AHRR: variants seen among roughly 807,000 people sequenced by gnomAD.
AHRR encodes ahR repressor.
Under a neutral mutation model 44.0 loss-of-function variants are expected in AHRR, and 28 were observed. The ratio of observed to expected loss-of-function variants is 0.64; its 90% CI spans 0.47 to 0.87. The LOEUF (loss-of-function observed/expected upper bound fraction) is 0.87. Among genes scored for constraint, AHRR ranks in the 40% least tolerant of loss-of-function variants. AHRR has a pLI of 0.00. For missense variants in AHRR, 990 were observed against 953.9 expected (o/e 1.04, Z -0.50); for synonymous variants, 434 against 407.0 (o/e 1.07, Z -0.80).
In AHRR at chr5:389,258, G is replaced by A. The variant is rs564826674; in HGVS notation, c.351+12542G>A. 4.6e-5 allele frequency among the ~76,000 whole-genome samples: 7 copies of A among 152,230 alleles called. No individual in the cohort carries two copies. In the East Asian group the frequency reaches 7.7e-4, roughly 17 times the overall value. ...AGTGAGCCGAGGCTCCAGCAGATGC[G>A]GCTGAAGGAACAAACTTTAAGGGAA... On this transcript the variant is annotated intron_variant, in intron 4 of 10. Transcript: ENST00000684583.
rs550156606 is a variant in AHRR at position 386,218 on chromosome 5, A to G, written c.351+9502A>G. Among the ~76,000 whole-genome samples, 5 of 152,202 alleles carry G rather than the reference A, an allele frequency of 3.3e-5. No homozygotes were observed. The East Asian group carries it at 7.7e-4, about 23-fold the overall frequency. ...TCATTTCGGAGTTTATTCTCTGTTT[A>G]TCATCTTTTCCCTTGAATATTAGTC... On this transcript the variant is annotated intron_variant, in intron 4 of 10. Transcript: ENST00000684583.
At chr5:433,036 G>C in intron 10 of AHRR, 89 bp downstream of exon 10, 39 of 1,379,122 alleles carry the variant, frequency 2.8e-5, no homozygotes, top group African/African-American at 1.5e-5. Flanking sequence ...TGATTAAGAA[G>C]AAAAATAAAA....
In AHRR at chr5:426,792, A is replaced by AGATG. The variant is rs1200825543; in HGVS notation, c.709-999_709-996dup. Among the ~76,000 whole-genome samples the AGATG allele has an allele frequency of 5.1e-5, 7 of 137,766 alleles. No individual in the cohort carries two copies. In the South Asian group the frequency reaches 7.9e-4, roughly 15 times the overall value. 90.4% of individuals were successfully genotyped at this position (137,766 alleles called of 152,430 possible). On this transcript the variant is annotated intron_variant, in intron 7 of 10. Transcript: ENST00000684583. ...TGGACAGATGGATGAATGGATAGGA[A>AGATG]GATGGATGGATGGATGGATAGATGG...
Position 435,918 on chromosome 5 carries a change from A to G in AHRR, c.*1084A>G, listed in dbSNP as rs1737009274. On this transcript the variant is annotated 3_prime_UTR_variant, in exon 11 of 11. Transcript: ENST00000684583. Reference sequence around the variant, plus strand: ...GTCAGAAAGTGAAGGTCACCAATCCACCAACCCGAGAACCTACAGCTGATG... The same window carrying G: ...GTCAGAAAGTGAAGGTCACCAATCCGCCAACCCGAGAACCTACAGCTGATG... 1 of 152,828 alleles carries G rather than the reference A, an allele frequency of 6.5e-6. No homozygotes were observed. The highest frequency in any genetic ancestry group is 2.4e-5 in the African/African-American group (1 of 41,462). The allele number at this position is 152,828 out of a possible 1,614,324, so 9.5% of individuals were successfully genotyped here.
intron 2 of AHRR, among the ~76,000 whole-genome samples, chr5:344,510 G>GCGGTA (rs1212212654): frequency 2.4e-3 from 6 of 2,472 alleles, no homozygotes; most frequent in Admixed American, 3.8e-3. Context: ...GTGGGTGTGT[G>GCGGTA]TGTGTGAGGC....
chr5:414,417 C>T (rs577494047), intron 5 of AHRR, among the ~76,000 whole-genome samples: 1 of 152,240 alleles, frequency 6.6e-6, no homozygotes, highest in South Asian at 2.1e-4. Flanking sequence ...CGAGGACCCC[C>T]AGGATCTGGA....
chr5:392,605 CAG>C (rs945974954), intron 4 of AHRR, among the ~76,000 whole-genome samples: 13 of 152,266 alleles, frequency 8.5e-5, no homozygotes, highest in Non-Finnish European at 5.9e-5. Context: ...CTTAGCAAGA[CAG>C]AGGAAAATGC....
chr5:392,624 C>T (rs1199801824), intron 4 of AHRR, among the ~76,000 whole-genome samples: 1 of 152,198 alleles, frequency 6.6e-6, no homozygotes, highest in African/African-American at 2.4e-5. Flanking sequence ...ATGCCCAAAC[C>T]GCCGGTGAGA....
Position 326,989 on chromosome 5 carries a change from G to A in AHRR, c.-11+5170G>A, listed in dbSNP as rs986804455. 6.6e-6 allele frequency among the ~76,000 whole-genome samples: 1 copy of A among 152,218 alleles called. No individual in the cohort carries two copies. The highest frequency in any genetic ancestry group is 2.4e-5 in the African/African-American group (1 of 41,460). ...CAGGAGAATCTCTTGAACCCAGGAG[G>A]TGGAGGTTGCAGTGAGCTGAGATTG... On this transcript the variant is annotated intron_variant, in intron 1 of 10. Transcript: ENST00000684583. This position sits in a 1 kb window ranked among gnomAD's most constrained non-coding sequence, Gnocchi z 4.1.
Position 421,265 on chromosome 5 carries a change from T to G in AHRR, c.442-1464T>G, listed in dbSNP as rs903328179. 5 of 698,194 alleles carry G rather than the reference T, an allele frequency of 7.2e-6. No homozygotes were observed. The East Asian group carries it at 1.4e-4, about 19-fold the overall frequency. 43.2% of individuals were successfully genotyped at this position (698,194 alleles called of 1,614,324 possible). On this transcript the variant is annotated intron_variant, in intron 5 of 10. Transcript: ENST00000684583. ...CGGTTCAGCCACGGAGCGGATGCCG[T>G]GTGCAGGCACGGAACGGGCGAGGCT...
chr5:427,464 GGGCAGGT>G (rs1398347302), intron 7 of AHRR, among the ~76,000 whole-genome samples: 3 of 152,230 alleles, frequency 2.0e-5, no homozygotes, highest in South Asian at 2.1e-4. Flanking sequence ...GCCCGGCTGT[GGGCAGGT>G]GGCAGGTCCC....
chr5:325,237 C>G (rs189397992), intron 1 of AHRR, among the ~76,000 whole-genome samples: 3 of 152,196 alleles, frequency 2.0e-5, no homozygotes, highest in Admixed American at 2.0e-4. Context: ...CATTTGGGGA[C>G]GAGGGTTGGT....
At chr5:366,194 C>G (rs1253382406) in intron 3 of AHRR, among the ~76,000 whole-genome samples, 1 of 151,850 alleles carries the variant, frequency 6.6e-6, no homozygotes, top group African/African-American at 2.4e-5. Flanking sequence ...AGGACTAGGG[C>G]TTTTGGGGCT....
intron 5 of AHRR, among the ~76,000 whole-genome samples, chr5:420,666 G>C (rs1238120210): frequency 1.3e-5 from 2 of 152,248 alleles, no homozygotes; most frequent in African/African-American, 4.8e-5. Flanking sequence ...GTTGGGCCTT[G>C]TGGTGTCCAC....
chr5:403,496 T>C (rs1355207467), intron 4 of AHRR, among the ~76,000 whole-genome samples: 7 of 151,832 alleles, frequency 4.6e-5, no homozygotes, highest in Non-Finnish European at 7.4e-5. Context: ...ATTAGCTGGG[T>C]GTGGTGGCGC....
Position 413,436 on chromosome 5 carries a change from A to G in AHRR, c.441+3A>G, listed in dbSNP as rs778683907. Reference sequence around the variant, plus strand: ...TGGACTATCTGGGCTTCCATCAGGTAAATGAAACCAGAATAGCCCTCCAGT... The same window carrying G: ...TGGACTATCTGGGCTTCCATCAGGTGAATGAAACCAGAATAGCCCTCCAGT... On this transcript the variant is annotated splice_donor_region_variant and intron_variant, in intron 5 of 10. Transcript: ENST00000684583. 9.3e-6 allele frequency: 15 copies of G among 1,607,024 alleles called. No homozygotes were observed. The highest frequency in any genetic ancestry group is 1.3e-5 in the Non-Finnish European group (15 of 1,174,798).
chr5:370,268 C>T lies in AHRR; in HGVS notation c.245-6342C>T, dbSNP rs1033576641. ...CTCGCTGGTGCCCCGACCTCCTGGG[C>T]CCTCGCTGGAAGCTCTGCTCATTTA... is the stretch of plus-strand genomic sequence containing the variant. On this transcript the variant is annotated intron_variant, in intron 3 of 10. Transcript: ENST00000684583. This position sits in a 1 kb window ranked among gnomAD's most constrained non-coding sequence, Gnocchi z 4.5. Among the ~76,000 whole-genome samples the T allele has an allele frequency of 6.6e-6, 1 of 152,134 alleles. No homozygotes were observed. The highest frequency in any genetic ancestry group is 2.4e-5 in the African/African-American group (1 of 41,420).
chr5:397,302 C>A (rs1398368474), intron 4 of AHRR, among the ~76,000 whole-genome samples: 4 of 124,278 alleles, frequency 3.2e-5, no homozygotes, highest in African/African-American at 8.9e-5. Context: ...CATGTTAGCC[C>A]CTGACCATCC....
intron 2 of AHRR, among the ~76,000 whole-genome samples, chr5:348,108 C>T (rs543684639): frequency 1.2e-4 from 18 of 152,356 alleles, no homozygotes; most frequent in Middle Eastern, 3.4e-3. Context: ...GGGCGGCCGG[C>T]TGGGACAGCC....
Sources: allele counts gnomAD v4.1 joint callset (sites outside exome capture counted in the v4.1 genomes callset), GRCh38; gene constraint gnomAD v4.1.1; non-coding constraint Gnocchi (gnomAD v3.1); transcripts MANE v1.5; gene names NCBI Gene and HGNC (gene_info 2026-07-23, HGNC 2026-07-21).